Variants in C1orf167 observed in about 807,000 individuals in gnomAD.
C1orf167 encodes uncharacterized protein C1orf167.
C1orf167 carries 153 observed loss-of-function variants against 176.5 expected under a neutral mutation model. The observed-to-expected ratio is 0.87, with a 90% CI of 0.76 to 0.99. C1orf167 has a LOEUF of 0.99. C1orf167 is among the 50% of genes least tolerant of loss of function. The pLI is 0.00. For missense variants in C1orf167, 1,490 were observed against 1,817.7 expected (o/e 0.82, Z 3.28); for synonymous variants, 594 against 752.7 (o/e 0.79, Z 3.45).
At chr1:11,770,203 C>G (rs1254955928) in intron 6 of C1orf167, among the ~76,000 whole-genome samples, 1 of 150,892 alleles carries the variant, frequency 6.6e-6, no homozygotes, top group Non-Finnish European at 1.5e-5. Flanking sequence ...TTTTCCCAAC[C>G]ACATAGTTGC....
rs1007773338 is a variant in C1orf167, at chr1:11,769,006, C to T, written c.1576C>T (p.Gln526Ter). The change falls in exon 6 of 21, where the codon CAG (glutamine) becomes TAG (stop). Residue 526 changes from glutamine (Q) to a stop codon, truncating the protein, a stop_gained. Coordinates refer to ENST00000688073, the MANE Select transcript of C1orf167 (RefSeq NM_001010881.2). LOFTEE classifies it high-confidence loss of function. Reference sequence around the variant, plus strand: ...CCTGGCTTTACAGCAGAAACAAGTACAGCCCCACATGCAGGCTGGGCCAGG... The same window carrying T: ...CCTGGCTTTACAGCAGAAACAAGTATAGCCCCACATGCAGGCTGGGCCAGG... ...RNLALQQKQV[Q>*]PHMQAGPGSP... 1.3e-4 allele frequency: 124 copies of T among 985,916 alleles called. No individual in the cohort carries two copies. In the Middle Eastern group the frequency reaches 1.6e-3, roughly 12 times the overall value. 61.1% of individuals were successfully genotyped at this position (985,916 alleles called of 1,614,324 possible).
intron 2 of C1orf167, 111 bp from the exon 3 acceptor site, chr1:11,765,746 C>T: frequency 9.7e-7 from 1 of 1,033,278 alleles, no homozygotes. Context: ...AGTCTTAGCT[C>T]CCTCCCGCTG....
At chr1:11,771,069 ATTTTTTTTTT>A (rs147195468) in intron 6 of C1orf167, among the ~76,000 whole-genome samples, 12 of 47,218 alleles carry the variant, frequency 2.5e-4, no homozygotes, top group African/African-American at 8.8e-4. Flanking sequence ...ATATATATAT[ATTTTTTTTTT>A]TTTTTTTTTT....
intron 20 of C1orf167, chr1:11,789,062 G>A: frequency 2.2e-6 from 1 of 446,772 alleles, no homozygotes. Flanking sequence ...TCCCTCATTT[G>A]CTCTGCTCTG....
rs1643270123 is a variant in C1orf167 at position 11,775,514 on chromosome 1, C to T, written c.2068C>T (p.Leu690=). ...DHLADRRTGT[L]RKCLEQWVRM... ...CCTGGCTGACCGCCGGACGGGGACC[C>T]TGAGGAAATGCCTGGAACAGTGGGT... is the stretch of plus-strand genomic sequence containing the variant. The change falls in exon 9 of 21, where the codon CTG becomes TTG. Residue 690 remains leucine, a synonymous_variant. Coordinates refer to ENST00000688073, the MANE Select transcript of C1orf167 (RefSeq NM_001010881.2). The T allele has an allele frequency of 7.7e-7, 1 of 1,304,238 alleles. No individual in the cohort carries two copies. The highest frequency in any genetic ancestry group is 1.0e-6 in the Non-Finnish European group (1 of 988,942). The allele number at this position is 1,304,238 out of a possible 1,614,324, so 80.8% of individuals were successfully genotyped here.
chr1:11,785,739 TTTTG>T (rs983442476), intron 16 of C1orf167: 1 of 152,986 alleles, frequency 6.5e-6, no homozygotes, highest in African/African-American at 2.4e-5. Flanking sequence ...TGTCAAGTTT[TTTTG>T]TTTATTTTTG....
In C1orf167 at chr1:11,766,317, TAGCGGGGACTTCAGGCCC is replaced by T; in HGVS notation, c.533_550del (p.Ser178_Pro183del). ...CCGGGCTGCCGGCCCCAGGCACCCC[TAGCGGGGACTTCAGGCCC>T]ACTGAAGCCTTTGCCCCTCTCGATG... On this transcript the variant is annotated inframe_deletion, in exon 3 of 21. Transcript: ENST00000688073. This position sits in a 1 kb window ranked among gnomAD's most constrained non-coding sequence, Gnocchi z 4.5. The T allele has an allele frequency of 1.6e-5, 20 of 1,287,934 alleles. No homozygotes were observed. Among genetic ancestry groups the T allele is most frequent in the Non-Finnish European group, 1.9e-5 (19 of 988,146 alleles). The allele number at this position is 1,287,934 out of a possible 1,614,324, so 79.8% of individuals were successfully genotyped here.
intron 4 of C1orf167, 112 bp downstream of exon 4, chr1:11,767,376 G>T: frequency 1.0e-6 from 1 of 980,840 alleles, no homozygotes; most frequent in Non-Finnish European, 1.4e-6. Flanking sequence ...AGAGGAGGCA[G>T]GGTTTCAAGG....
At chr1:11,777,833 T>G (rs1483002200) in intron 10 of C1orf167, 1 of 152,260 alleles carries the variant, frequency 6.6e-6, no homozygotes, top group Non-Finnish European at 1.5e-5. Context: ...CAGCCCATCC[T>G]CTGGCCTTTG....
chr1:11,775,647 T>C, intron 9 of C1orf167, 37 bp downstream of exon 9: 1 of 1,282,272 alleles, frequency 7.8e-7, no homozygotes, highest in Non-Finnish European at 1.0e-6. Flanking sequence ...GCAAACCGTG[T>C]CACTTAAGCC....
At position 11,779,243 on chromosome 1, in the gene C1orf167, G is replaced by A. The variant is rs573466646; in HGVS notation, c.2651+163G>A. The A allele has an allele frequency of 2.8e-3, 1,718 of 615,644 alleles. 9 individuals carry two copies. Among genetic ancestry groups the A allele is most frequent in the Non-Finnish European group, 3.6e-3 (1,584 of 437,896 alleles). 38.1% of individuals were successfully genotyped at this position (615,644 alleles called of 1,614,324 possible). ...TGCCCCGTCCTACTGAGAGGGTGTC[G>A]GGGAGTGGTGAGGCACTCTACAGAG... is the stretch of plus-strand genomic sequence containing the variant. On this transcript the variant is annotated intron_variant, in intron 12 of 20. Transcript: ENST00000688073.
intron 6 of C1orf167, among the ~76,000 whole-genome samples, 153 bp from the exon 7 acceptor site, chr1:11,771,371 A>T (rs1643069055): frequency 6.6e-6 from 1 of 152,136 alleles, no homozygotes; most frequent in Non-Finnish European, 1.5e-5. Flanking sequence ...TTTAAATCCG[A>T]CATAAAATAA....
Position 11,778,825 on chromosome 1 carries a change from TAGG to T in C1orf167, c.2496+13_2496+15del, listed in dbSNP as rs1384314937. 7.7e-7 allele frequency: 1 copy of T among 1,293,286 alleles called. No individual in the cohort carries two copies. The highest frequency in any genetic ancestry group is 1.2e-5 in the South Asian group (1 of 80,774). 80.1% of individuals were successfully genotyped at this position (1,293,286 alleles called of 1,614,324 possible). ...AAGACTCTCTGGAGAAGGTGAGAGGTAGGAGGGTGGGGAGGGGCTGGGGCAGGT... is the reference window on the plus strand; with the variant it reads ...AAGACTCTCTGGAGAAGGTGAGAGGTAGGGTGGGGAGGGGCTGGGGCAGGT... On this transcript the variant is annotated intron_variant, in intron 11 of 20. Transcript: ENST00000688073.
chr1:11,766,695 G>A lies in C1orf167; in HGVS notation c.909G>A (p.Arg303=). The change falls in exon 3 of 21, where the codon AGG becomes AGA. Residue 303 remains arginine, a synonymous_variant. Transcript: ENST00000688073. The surrounding 1 kb of genome is among the most constrained non-coding windows in gnomAD (Gnocchi z 4.5). ...GGAGGAGACGCCTTCGAGGCCACAG[G>A]GAAACTGCGGCTTTCTTGGAGACCC... ...DGRRRRLRGH[R]ETAAFLETPA... 1 of 1,289,716 alleles carries A rather than the reference G, an allele frequency of 7.8e-7. No individual in the cohort carries two copies. The highest frequency in any genetic ancestry group is 1.2e-5 in the South Asian group (1 of 81,018). 79.9% of individuals were successfully genotyped at this position (1,289,716 alleles called of 1,614,324 possible). A position where few individuals can be genotyped will look rare whatever the true frequency, so the allele number is the denominator to read the frequency against.
rs1643977733 is a variant in C1orf167, at chr1:11,788,651, G to T, written c.4079-1G>T. 2 of 1,304,124 alleles carry T rather than the reference G, an allele frequency of 1.5e-6. No individual in the cohort carries two copies. Among genetic ancestry groups the T allele is most frequent in the Non-Finnish European group, 1.0e-6 (1 of 988,932 alleles). 80.8% of individuals were successfully genotyped at this position (1,304,124 alleles called of 1,614,324 possible). A position where few individuals can be genotyped will look rare whatever the true frequency, so the allele number is the denominator to read the frequency against. ...GCCTTCTCTGCCAACTGTCCCCAAAGCTCAGGGAGTGGCACCTGAGATGGG... is the reference window on the plus strand; with the variant it reads ...GCCTTCTCTGCCAACTGTCCCCAAATCTCAGGGAGTGGCACCTGAGATGGG... On this transcript the variant is annotated splice_acceptor_variant, in intron 19 of 20. Transcript: ENST00000688073. LOFTEE classifies it high-confidence loss of function.
intron 1 of C1orf167, among the ~76,000 whole-genome samples, chr1:11,763,266 C>T (rs755524555): frequency 6.6e-6 from 1 of 152,100 alleles, no homozygotes; most frequent in Non-Finnish European, 1.5e-5. Flanking sequence ...ATGGTGAAAC[C>T]CTGTCTCTAC....
In C1orf167 at chr1:11,778,655, T is replaced by C. The variant is rs1452458059; in HGVS notation, c.2340-5T>C. On this transcript the variant is annotated splice_region_variant and splice_polypyrimidine_tract_variant and intron_variant, in intron 10 of 20. Coordinates refer to ENST00000688073, the MANE Select transcript of C1orf167 (RefSeq NM_001010881.2). The stretch of plus-strand genomic sequence containing the variant: ...GGGTGGGTCACTCACCTGCCCCTTC[T>C]CTAGCTCCTTCTTCCAGGGCCTGCA... The C allele has an allele frequency of 1.5e-6, 2 of 1,292,928 alleles. No homozygotes were observed. The highest frequency in any genetic ancestry group is 2.3e-5 in the Admixed American group (1 of 43,170). 80.1% of individuals were successfully genotyped at this position (1,292,928 alleles called of 1,614,324 possible).
At chr1:11,788,790 C>G (rs919003386) in intron 20 of C1orf167, 44 bp downstream of exon 20, 3 of 1,293,234 alleles carry the variant, frequency 2.3e-6, no homozygotes, top group Middle Eastern at 4.3e-4. Flanking sequence ...GCATTCCACT[C>G]AGCCAGCCTT....
intron 17 of C1orf167, 160 bp from the exon 18 acceptor site, chr1:11,787,713 C>T (rs1643924032): frequency 9.3e-6 from 10 of 1,076,884 alleles, no homozygotes; most frequent in African/African-American, 1.7e-5. Flanking sequence ...GGCAGGCAGC[C>T]GGGAGAGGCT....
Sources: allele counts gnomAD v4.1 joint callset (sites outside exome capture counted in the v4.1 genomes callset), GRCh38; gene constraint gnomAD v4.1.1; non-coding constraint Gnocchi (gnomAD v3.1); transcripts MANE v1.5; gene names NCBI Gene and HGNC (gene_info 2026-07-23, HGNC 2026-07-21).